BRAF: variants seen among roughly 807,000 people sequenced by gnomAD.
BRAF encodes B-Raf proto-oncogene, serine/threonine kinase, also known as serine/threonine-protein kinase B-raf.
A neutral mutation model predicts 104.6 loss-of-function variants in BRAF; 16 were observed. The ratio of observed to expected loss-of-function variants is 0.15; its 90% CI spans 0.10 to 0.23. The LOEUF is 0.23. Ranked by LOEUF, BRAF falls within the 10% of genes least tolerant of loss-of-function variation. The probability of loss-of-function intolerance (pLI) is 1.00; values close to 1 mark genes in which losing one functional copy is unlikely to be tolerated. For missense variants in BRAF, 541 were observed against 937.3 expected (o/e 0.58, Z 5.52); for synonymous variants, 310 against 341.6 (o/e 0.91, Z 1.02).
intron 1 of BRAF, among the ~76,000 whole-genome samples, chr7:140,900,701 C>T (rs1815514868): frequency 1.3e-5 from 2 of 152,198 alleles, no homozygotes; most frequent in Admixed American, 1.3e-4. Context: ...ACCTTCACCT[C>T]CCGGATTCAA....
Position 140,724,640 on chromosome 7 carries a change from T to C in BRAF, c.*1854A>G. On this transcript the variant is annotated 3_prime_UTR_variant, in exon 20 of 20. Transcript: ENST00000644969. ...CTGAATACATGTATGTTAGCAAAAATCTAATGGTAGTGAGCTTTTAGTGGC... is the reference window on the plus strand; with the variant it reads ...CTGAATACATGTATGTTAGCAAAAACCTAATGGTAGTGAGCTTTTAGTGGC... The C allele has an allele frequency of 9.7e-7, 1 of 1,036,224 alleles. No homozygotes were observed. Among genetic ancestry groups the C allele is most frequent in the East Asian group, 6.0e-5 (1 of 16,792 alleles). The allele number at this position is 1,036,224 out of a possible 1,614,324, so 64.2% of individuals were successfully genotyped here. A position where few individuals can be genotyped will look rare whatever the true frequency, so the allele number is the denominator to read the frequency against.
intron 1 of BRAF, among the ~76,000 whole-genome samples, chr7:140,875,325 G>A (rs527245207): frequency 2.6e-5 from 4 of 152,130 alleles, no homozygotes; most frequent in East Asian, 1.9e-4. Context: ...GGATAAATAC[G>A]TAGAATTCCA....
intron 5 of BRAF, among the ~76,000 whole-genome samples, chr7:140,807,090 G>A (rs1416370399): frequency 2.0e-5 from 3 of 152,176 alleles, no homozygotes; most frequent in Non-Finnish European, 4.4e-5. Context: ...CAAGTTCTAT[G>A]TAGATCCTCA....
chr7:140,862,125 G>T (rs1383202686), intron 1 of BRAF, among the ~76,000 whole-genome samples: 1 of 152,064 alleles, frequency 6.6e-6, no homozygotes, highest in Admixed American at 6.6e-5. Context: ...CAATAAACAA[G>T]AATCACAAGA....
chr7:140,746,569 G>A (rs1229380289), intron 17 of BRAF, among the ~76,000 whole-genome samples: 1 of 152,110 alleles, frequency 6.6e-6, no homozygotes, highest in African/African-American at 2.4e-5. Flanking sequence ...AGTGGTTCAC[G>A]CCTGTAATCC....
At chr7:140,783,435 T>C (rs559140768) in intron 10 of BRAF, 3 of 327,928 alleles carry the variant, frequency 9.1e-6, no homozygotes, top group Non-Finnish European at 1.7e-5. Context: ...AGAAAAACAA[T>C]CTCTCTAAAA....
At chr7:140,754,445 C>A (rs1299629283) in intron 14 of BRAF, among the ~76,000 whole-genome samples, 1 of 152,114 alleles carries the variant, frequency 6.6e-6, no homozygotes, top group African/African-American at 2.4e-5. Flanking sequence ...CAGTCAAAAT[C>A]TTGTTTTCTA....
chr7:140,861,910 T>C (rs1810461432), intron 1 of BRAF, among the ~76,000 whole-genome samples: 2 of 152,162 alleles, frequency 1.3e-5, no homozygotes, highest in South Asian at 4.1e-4. Context: ...GGATACTAAG[T>C]AAGTAAGCTA....
intron 7 of BRAF, chr7:140,800,120 C>CAGAA: frequency 1.8e-6 from 1 of 557,968 alleles, no homozygotes; most frequent in East Asian, 3.3e-5. Context: ...CACTGAAGAG[C>CAGAA]AGAAGTCAAA....
At chr7:140,824,224 CAA>C (rs1765701108) in intron 3 of BRAF, 1 of 152,110 alleles carries the variant, frequency 6.6e-6, no homozygotes, top group South Asian at 2.1e-4. Flanking sequence ...TTGACAAATC[CAA>C]AGTTATGATG....
intron 18 of BRAF, among the ~76,000 whole-genome samples, chr7:140,735,644 C>T (rs1796344318): frequency 6.6e-6 from 1 of 151,998 alleles, no homozygotes; most frequent in African/African-American, 2.4e-5. Flanking sequence ...GCAACCTCCC[C>T]CTCCTGGGTT....
chr7:140,804,406 T>G lies in BRAF; in HGVS notation c.712-2846A>C, dbSNP rs528340243. On this transcript the variant is annotated intron_variant, in intron 5 of 19. Coordinates refer to ENST00000644969, the MANE Select transcript of BRAF (RefSeq NM_001374258.1). ...TTTTAGTAGAGACAGGTTTTTTTTT[T>G]GGGGGGGGTGGTTAATACTTTTAAT... Among the ~76,000 whole-genome samples the G allele has an allele frequency of 6.7e-4, 98 of 147,340 alleles. 1 individual carries two copies. Among genetic ancestry groups the G allele is most frequent in the East Asian group, 1.2e-3 (6 of 5,044 alleles).
At chr7:140,787,637 G>C (rs886792544) in intron 8 of BRAF, 53 bp from the exon 9 acceptor site, 7 of 1,487,772 alleles carry the variant, frequency 4.7e-6, no homozygotes, top group Non-Finnish European at 6.6e-6. Context: ...TAATCAGAGA[G>C]TAGCGATAAC....
chr7:140,906,228 G>T (rs1286115325), intron 1 of BRAF, among the ~76,000 whole-genome samples: 1 of 151,732 alleles, frequency 6.6e-6, no homozygotes, highest in Non-Finnish European at 1.5e-5. Flanking sequence ...TTGAGACAGG[G>T]TCTCAGTCTG....
Position 140,725,699 on chromosome 7 carries a change from GA to G in BRAF, c.*794del, listed in dbSNP as rs34603310. ...CCTGAGAATTTGCTACATTGTGGAGGAAAAAAAAAAAACCCAAACACTTATC... is the reference window on the plus strand; with the variant it reads ...CCTGAGAATTTGCTACATTGTGGAGGAAAAAAAAAAACCCAAACACTTATC... On this transcript the variant is annotated 3_prime_UTR_variant, in exon 20 of 20. Coordinates refer to ENST00000644969, the MANE Select transcript of BRAF (RefSeq NM_001374258.1). 0.01 allele frequency: 8,695 copies of G among 859,618 alleles called. 158 individuals carry two copies. The highest frequency in any genetic ancestry group is 0.088 in the African/African-American group (4,894 of 55,620). 53.2% of individuals were successfully genotyped at this position (859,618 alleles called of 1,614,324 possible). A position where few individuals can be genotyped will look rare whatever the true frequency, so the allele number is the denominator to read the frequency against.
intron 1 of BRAF, among the ~76,000 whole-genome samples, chr7:140,913,843 A>G (rs1817290300): frequency 6.6e-6 from 1 of 152,188 alleles, no homozygotes; most frequent in Non-Finnish European, 1.5e-5. Context: ...TAAATGGAAC[A>G]GTCTTTCTAC....
chr7:140,719,473 TC>T lies in BRAF; in HGVS notation c.*7020del. The T allele has an allele frequency of 3.9e-6, 4 of 1,018,034 alleles. No individual in the cohort carries two copies. The South Asian group carries it at 1.9e-4, about 48-fold the overall frequency. 63.1% of individuals were successfully genotyped at this position (1,018,034 alleles called of 1,614,324 possible). A position where few individuals can be genotyped will look rare whatever the true frequency, so the allele number is the denominator to read the frequency against. ...ATTTCTTCAATCTGAATTTCAGCTA[TC>T]TTTTTTTATTCTCCATGCTTTCTAT... On this transcript the variant is annotated 3_prime_UTR_variant, in exon 20 of 20. Coordinates refer to ENST00000644969, the MANE Select transcript of BRAF (RefSeq NM_001374258.1).
At chr7:140,787,258 G>A (rs1002562218) in intron 9 of BRAF, among the ~76,000 whole-genome samples, 1 of 130,254 alleles carries the variant, frequency 7.7e-6, no homozygotes, top group Non-Finnish European at 1.5e-5. Flanking sequence ...CCGAGATCGC[G>A]CCACTGCACT....
At chr7:140,764,748 G>A (rs1245492925) in intron 14 of BRAF, among the ~76,000 whole-genome samples, 2 of 152,186 alleles carry the variant, frequency 1.3e-5, no homozygotes, top group African/African-American at 4.8e-5. Context: ...CAAGGGATGT[G>A]AAGGACCTCT....
Sources: allele counts gnomAD v4.1 joint callset (sites outside exome capture counted in the v4.1 genomes callset), GRCh38; gene constraint gnomAD v4.1.1; transcripts MANE v1.5; gene names NCBI Gene and HGNC (gene_info 2026-07-23, HGNC 2026-07-21).